The following TENM3 variants were observed in gnomAD, a reference collection of about 807,000 sequenced individuals.
TENM3 encodes teneurin-3.
Under a neutral mutation model 255.1 loss-of-function variants are expected in TENM3, and 63 were observed. That is an observed-to-expected ratio of 0.25 (90% CI 0.20 to 0.30). The LOEUF is 0.30. TENM3 is among the 10% of genes least tolerant of loss of function. TENM3 has a pLI of 1.00. For missense variants in TENM3, 2,929 were observed against 3,461.1 expected (o/e 0.85, Z 3.86); for synonymous variants, 1,306 against 1,322.3 (o/e 0.99, Z 0.27).
chr4:181,746,620 A>T, the TENM3 span, among the ~76,000 whole-genome samples: 1 of 152,056 alleles, frequency 6.6e-6, no homozygotes, highest in African/African-American at 2.4e-5. Context: ...TTATCTACTT[A>T]TCTTATTCTA....
At chr4:182,392,529 A>G (rs1389991027) in intron 3 of TENM3, among the ~76,000 whole-genome samples, 1 of 152,196 alleles carries the variant, frequency 6.6e-6, no homozygotes, top group Non-Finnish European at 1.5e-5. Flanking sequence ...CACAGCCAGC[A>G]CTCAGGAGAG....
Position 182,714,333 on chromosome 4 carries a change from A to C in TENM3, c.2368+100A>C, listed in dbSNP as rs1162249525. On this transcript the variant is annotated intron_variant, in intron 13 of 27. Transcript: ENST00000511685. ...CTGTTGCCAAAAAAAAAAAAAAAAA[A>C]AAAAAACCTGATCCCCATCGATTAG... 4.2e-6 allele frequency: 4 copies of C among 954,416 alleles called. 1 individual carries two copies. The highest frequency in any genetic ancestry group is 3.3e-5 in the Admixed American group (1 of 30,258). 59.1% of individuals were successfully genotyped at this position (954,416 alleles called of 1,614,324 possible).
chr4:181,708,789 T>G, the TENM3 span, among the ~76,000 whole-genome samples: 1 of 152,188 alleles, frequency 6.6e-6, no homozygotes, highest in African/African-American at 2.4e-5. Flanking sequence ...GTAGCCATGC[T>G]TAAGAACCAC....
chr4:182,572,305 T>C (rs1201476809), intron 3 of TENM3, among the ~76,000 whole-genome samples: 2 of 152,256 alleles, frequency 1.3e-5, no homozygotes, highest in Non-Finnish European at 2.9e-5. Context: ...GAGATTAGTC[T>C]TAAAATGAGA....
chr4:182,216,865 A>C (rs1258911397), intron 1 of TENM3, among the ~76,000 whole-genome samples: 1 of 152,170 alleles, frequency 6.6e-6, no homozygotes, highest in Non-Finnish European at 1.5e-5. Context: ...AAACAATGGC[A>C]GACTTGCATT....
chr4:181,719,304 G>A, the TENM3 span, among the ~76,000 whole-genome samples: 1 of 152,120 alleles, frequency 6.6e-6, no homozygotes, highest in African/African-American at 2.4e-5. Context: ...TAGAAAATCT[G>A]CATGCCCAAA....
At chr4:182,625,530 C>G (rs1476303873) in intron 4 of TENM3, among the ~76,000 whole-genome samples, 1 of 152,134 alleles carries the variant, frequency 6.6e-6, no homozygotes, top group Non-Finnish European at 1.5e-5. Flanking sequence ...TCCACGAAAC[C>G]GGTCCCTGGT....
At chr4:181,451,498 G>A in the TENM3 span, among the ~76,000 whole-genome samples, 20 of 152,152 alleles carry the variant, frequency 1.3e-4, no homozygotes, top group African/African-American at 3.6e-4. Flanking sequence ...GTGGAGAATA[G>A]AACAGATGTA....
chr4:181,919,980 A>C, the TENM3 span, among the ~76,000 whole-genome samples: 1 of 144,600 alleles, frequency 6.9e-6, no homozygotes, highest in South Asian at 2.2e-4. Flanking sequence ...GAGAATATGC[A>C]GTGTTTGGTT....
intron 1 of TENM3, among the ~76,000 whole-genome samples, chr4:182,234,179 C>G (rs1044076361): frequency 4.6e-5 from 7 of 152,162 alleles, no homozygotes; most frequent in African/African-American, 1.7e-4. Context: ...GTCAGTCTCT[C>G]TCTCTCTCTA....
the TENM3 span, among the ~76,000 whole-genome samples, chr4:181,627,568 G>T: frequency 6.6e-6 from 1 of 152,020 alleles, no homozygotes; most frequent in Non-Finnish European, 1.5e-5. Flanking sequence ...TCCCACCTAT[G>T]AGTGAGAACA....
the TENM3 span, among the ~76,000 whole-genome samples, chr4:181,795,286 T>G: frequency 0.84 from 127,919 of 151,734 alleles, 54,005 homozygotes; most frequent in South Asian, 0.9. Flanking sequence ...CATGGTTCTC[T>G]GTGAGGATCC....
intron 1 of TENM3, among the ~76,000 whole-genome samples, chr4:182,235,462 A>G (rs1024558847): frequency 1.3e-5 from 2 of 152,138 alleles, no homozygotes; most frequent in African/African-American, 2.4e-5. Flanking sequence ...TGATTCTTCC[A>G]TGCACCAATT....
At chr4:182,537,533 G>A (rs1258498655) in intron 3 of TENM3, among the ~76,000 whole-genome samples, 2 of 152,124 alleles carry the variant, frequency 1.3e-5, no homozygotes, top group Non-Finnish European at 2.9e-5. Context: ...CCCGGAGCAG[G>A]CACTTTGCTT....
chr4:181,902,736 G>A, the TENM3 span, among the ~76,000 whole-genome samples: 1 of 152,130 alleles, frequency 6.6e-6, no homozygotes, highest in African/African-American at 2.4e-5. Flanking sequence ...AGCACAGGGA[G>A]GGGAACATTA....
At chr4:181,859,576 T>C in the TENM3 span, among the ~76,000 whole-genome samples, 1 of 152,316 alleles carries the variant, frequency 6.6e-6, no homozygotes, top group Non-Finnish European at 1.5e-5. Flanking sequence ...AGGTGCAATA[T>C]GTTTTATTTG....
intron 1 of TENM3, among the ~76,000 whole-genome samples, chr4:182,246,537 T>C (rs780555545): frequency 6.6e-6 from 1 of 152,168 alleles, no homozygotes; most frequent in Non-Finnish European, 1.5e-5. Context: ...GGAGTAGTAG[T>C]TTGAATCCAG....
chr4:182,100,864 TATATATATATAGAG>T, the TENM3 span, among the ~76,000 whole-genome samples: 1 of 642 alleles, frequency 1.6e-3, no homozygotes, highest in African/African-American at 2.4e-3. Flanking sequence ...TATACTCATA[TATATATATATAGAG>T]AGAGAGAGAG....
chr4:182,343,919 T>C (rs1764636870), intron 2 of TENM3, among the ~76,000 whole-genome samples: 1 of 151,956 alleles, frequency 6.6e-6, no homozygotes, highest in Non-Finnish European at 1.5e-5. Flanking sequence ...CTGAGGGAGG[T>C]CTGGAGCAGG....
Sources: allele counts gnomAD v4.1 joint callset (sites outside exome capture counted in the v4.1 genomes callset), GRCh38; gene constraint gnomAD v4.1.1; transcripts MANE v1.5; gene names NCBI Gene and HGNC (gene_info 2026-07-23, HGNC 2026-07-21).